The following CCDC39 variants were observed in gnomAD, a reference collection of about 807,000 sequenced individuals.
CCDC39 encodes coiled-coil domain-containing protein 39.
CCDC39 carries 113 observed loss-of-function variants against 121.0 expected under a neutral mutation model. That is an observed-to-expected ratio of 0.93 (90% CI 0.80 to 1.09). The LOEUF is 1.09. CCDC39 is among the 50% of genes least tolerant of loss of function. The pLI is 0.00. For missense variants in CCDC39, 1,063 were observed against 1,074.7 expected, an observed-to-expected ratio of 0.99 and a Z score of 0.15; for synonymous variants, 349 against 352.2, an observed-to-expected ratio of 0.99 and a Z score of 0.10.
At chr3:180,637,234 G>GA (rs1222967023) in intron 13 of CCDC39, among the ~76,000 whole-genome samples, 4 of 151,822 alleles carry the variant, frequency 2.6e-5, no homozygotes, top group Admixed American at 6.6e-5. Flanking sequence ...AAATTTATAA[G>GA]AAAAAATACA....
At chr3:180,674,499 G>A in intron 1 of CCDC39, among the ~76,000 whole-genome samples, 1 of 152,178 alleles carries the variant, frequency 6.6e-6, no homozygotes, top group Non-Finnish European at 1.5e-5. Context: ...GCCTTGGCCA[G>A]AACTTCCAAC....
intron 1 of CCDC39, 53 bp from the exon 2 acceptor site, chr3:180,664,039 T>C: frequency 6.7e-7 from 1 of 1,490,710 alleles, no homozygotes; most frequent in East Asian, 2.3e-5. Context: ...TTTTACCATA[T>C]GAAGGACCTA....
At chr3:180,640,856 A>G (rs1046632370) in intron 13 of CCDC39, among the ~76,000 whole-genome samples, 36 of 152,090 alleles carry the variant, frequency 2.4e-4, no homozygotes, top group African/African-American at 8.4e-4. Context: ...AAAACAAAAA[A>G]GATATAATTC....
chr3:180,648,202 A>C lies in CCDC39; in HGVS notation c.1325T>G (p.Phe442Cys). The change falls in exon 10 of 20, where the codon TTT becomes TGT. Residue 442 changes from phenylalanine (F) to cysteine (C), a missense_variant. Coordinates refer to ENST00000476379, the MANE Select transcript of CCDC39 (RefSeq NM_181426.2). ...HLNHQLQKLD[F>C]ETLKQQEIMY... The stretch of plus-strand genomic sequence containing the variant: ...AATTTCTTGCTGCTTCAAGGTTTCA[A>C]AATCCAGTTTTTGTAACTGATGGTT... The C allele has an allele frequency of 6.2e-7, 1 of 1,613,510 alleles. No individual in the cohort carries two copies. The highest frequency in any genetic ancestry group is 8.5e-7 in the Non-Finnish European group (1 of 1,179,610).
Position 180,617,335 on chromosome 3 carries a change from C to T in CCDC39, c.2266-369G>A, listed in dbSNP as rs531052462. ...TTGATAGTGATAATAAAAGATATTA[C>T]TGATTTATGTATTTACTATACAATA... On this transcript the variant is annotated intron_variant, in intron 16 of 19. Coordinates refer to ENST00000476379, the MANE Select transcript of CCDC39 (RefSeq NM_181426.2). 5 of 499,086 alleles carry T rather than the reference C, an allele frequency of 1.0e-5. No individual in the cohort carries two copies. The Admixed American group carries it at 1.3e-4, about 13-fold the overall frequency. 30.9% of individuals were successfully genotyped at this position (499,086 alleles called of 1,614,324 possible).
chr3:180,615,361 A>C (rs1717192168), intron 19 of CCDC39, among the ~76,000 whole-genome samples: 2 of 152,158 alleles, frequency 1.3e-5, no homozygotes, highest in Admixed American at 1.3e-4. Context: ...TAGAGTTGGA[A>C]TCATTAAGCA....
At chr3:180,639,674 G>T (rs1173227841) in intron 13 of CCDC39, among the ~76,000 whole-genome samples, 1 of 152,018 alleles carries the variant, frequency 6.6e-6, no homozygotes, top group Non-Finnish European at 1.5e-5. Flanking sequence ...TATACTTTGA[G>T]TACAGTGTAC....
In CCDC39 at chr3:180,663,970, T is replaced by C. The variant is rs369263891; in HGVS notation, c.107A>G (p.Asp36Gly). The part of the protein sequence containing the change: ...LLEDQLSKLK[D>G]ERASLQDELR... ...CTCATCTTGCAAGCTTGCTCTTTCA[T>C]CCTTCAGCTTTGACAACTGTAAATA... The change falls in exon 2 of 20, where the codon GAT (aspartate) becomes GGT (glycine). Residue 36 changes from aspartate (D) to glycine (G), a missense_variant. Asp to Gly is a moderately conservative substitution (Grantham distance 94). Coordinates refer to ENST00000476379, the MANE Select transcript of CCDC39 (RefSeq NM_181426.2). 2.7e-5 allele frequency: 44 copies of C among 1,611,652 alleles called. No homozygotes were observed. Among genetic ancestry groups the C allele is most frequent in the Non-Finnish European group, 3.4e-5 (40 of 1,179,248 alleles).
intron 3 of CCDC39, 69 bp downstream of exon 3, chr3:180,661,792 G>A: frequency 7.3e-7 from 1 of 1,371,530 alleles, no homozygotes; most frequent in Non-Finnish European, 9.9e-7. Context: ...AAAAAAAAAA[G>A]TCAATGCTCA....
intron 1 of CCDC39, among the ~76,000 whole-genome samples, chr3:180,667,141 T>C (rs549494705): frequency 6.6e-6 from 1 of 152,238 alleles, no homozygotes; most frequent in Non-Finnish European, 1.5e-5. Flanking sequence ...TTCCAAATTC[T>C]GAAGTAAAAT....
chr3:180,655,872 G>GGAT (rs1261252637), intron 6 of CCDC39, among the ~76,000 whole-genome samples: 1 of 152,156 alleles, frequency 6.6e-6, no homozygotes, highest in Non-Finnish European at 1.5e-5. Context: ...TGATGCTGAT[G>GGAT]GCAATAAGTT....
At chr3:180,651,202 A>G (rs1718199256) in intron 9 of CCDC39, among the ~76,000 whole-genome samples, 199 bp downstream of exon 9, 1 of 152,054 alleles carries the variant, frequency 6.6e-6, no homozygotes, top group Non-Finnish European at 1.5e-5. Flanking sequence ...TCACAAAAAA[A>G]AAGAAAAAAG....
rs1439938595 is a variant in CCDC39 at position 180,616,655 on chromosome 3, G to A, written c.2447C>T (p.Thr816Ile). 5 of 1,592,504 alleles carry A rather than the reference G, an allele frequency of 3.1e-6. No individual in the cohort carries two copies. Among genetic ancestry groups the A allele is most frequent in the South Asian group, 1.1e-5 (1 of 88,632 alleles). ...LTKEIRLLKD[T>I]KDETMEEQDI... Reference sequence around the variant, plus strand: ...TTGTTCTTCCATTGTTTCATCTTTTGTGTCTTTCAAAAGACGGATTTCCTT... The same window carrying A: ...TTGTTCTTCCATTGTTTCATCTTTTATGTCTTTCAAAAGACGGATTTCCTT... Residue 816 changes from threonine (T) to isoleucine (I), a missense_variant, in exon 18 of 20, where the codon ACA becomes ATA. Coordinates refer to ENST00000476379, the MANE Select transcript of CCDC39 (RefSeq NM_181426.2).
At chr3:180,651,977 C>T (rs1354693611) in intron 8 of CCDC39, among the ~76,000 whole-genome samples, 186 bp downstream of exon 8, 1 of 151,486 alleles carries the variant, frequency 6.6e-6, no homozygotes, top group African/African-American at 2.4e-5. Context: ...GCGGAGCTTG[C>T]AGTGAGCTGA....
At chr3:180,639,541 TTGTTA>T (rs1043547383) in intron 13 of CCDC39, among the ~76,000 whole-genome samples, 2 of 152,090 alleles carry the variant, frequency 1.3e-5, no homozygotes, top group African/African-American at 4.8e-5. Context: ...AAACCAAATA[TTGTTA>T]TGTTCTCGCT....
intron 9 of CCDC39, among the ~76,000 whole-genome samples, chr3:180,650,573 G>C (rs2108423309): frequency 6.6e-6 from 1 of 152,144 alleles, no homozygotes; most frequent in East Asian, 1.9e-4. Flanking sequence ...TTTTTAAAAA[G>C]TAGCCAGGCA....
In CCDC39 at chr3:180,614,986, G is replaced by A; in HGVS notation, c.2761C>T (p.Pro921Ser). 6.4e-7 allele frequency: 1 copy of A among 1,565,234 alleles called. No homozygotes were observed. The highest frequency in any genetic ancestry group is 8.7e-7 in the Non-Finnish European group (1 of 1,152,998). The change falls in exon 20 of 20, where the codon CCT (proline) becomes TCT (serine). Residue 921 changes from proline (P) to serine (S), a missense_variant. By Grantham distance (74) the Pro-to-Ser change is moderately conservative. Coordinates refer to ENST00000476379, the MANE Select transcript of CCDC39 (RefSeq NM_181426.2). ...CTACTAGCACTAGATGGCCTAGAAG[G>A]GCTGCCTACTAGTGAAGAGGAGGCC... ...FPASSSLVGSPSRPSSASSSS... is the reference protein window; with the variant it reads ...FPASSSLVGSSSRPSSASSSS...
chr3:180,634,788 A>G (rs1717787101), intron 13 of CCDC39, among the ~76,000 whole-genome samples: 1 of 152,170 alleles, frequency 6.6e-6, no homozygotes, highest in South Asian at 2.1e-4. Context: ...ATCACACCCC[A>G]AAGCTTCAAC....
chr3:180,645,224 A>C (rs1718042965), intron 11 of CCDC39, among the ~76,000 whole-genome samples: 1 of 152,170 alleles, frequency 6.6e-6, no homozygotes. Context: ...TGCCATGTAA[A>C]TGTCAGCTAT....
Sources: gnomAD v4.1 joint callset for allele counts (sites outside exome capture counted in the v4.1 genomes callset) on GRCh38, gnomAD v4.1.1 for gene constraint, MANE v1.5 for transcripts, NCBI Gene and HGNC (gene_info 2026-07-23, HGNC 2026-07-21) for gene names.